LRBA: variants seen among roughly 807,000 people sequenced by gnomAD.
LRBA encodes LPS responsive beige-like anchor protein, also known as lipopolysaccharide-responsive and beige-like anchor protein.
A neutral mutation model predicts 330.0 loss-of-function variants in LRBA; 176 were observed. The observed-to-expected ratio is 0.53, with a 90% CI of 0.47 to 0.60. The LOEUF (loss-of-function observed/expected upper bound fraction) is 0.60. LRBA is among the 20% of genes least tolerant of loss of function. The pLI, the probability that LRBA is intolerant of heterozygous loss-of-function variation, is 0.00. For synonymous variants in LRBA, 1,230 were observed against 1,193.0 expected, an observed-to-expected ratio of 1.03 and a Z score of -0.64; for missense variants, 3,259 against 3,444.8, an observed-to-expected ratio of 0.95 and a Z score of 1.35.
chr4:150,336,058 A>G (rs914064365), intron 48 of LRBA, among the ~76,000 whole-genome samples: 10 of 152,224 alleles, frequency 6.6e-5, no homozygotes, highest in African/African-American at 2.4e-4. Context: ...CAAGAAATAC[A>G]TATATTTTTA....
chr4:150,686,365 A>T (rs1204376085), intron 36 of LRBA, among the ~76,000 whole-genome samples: 1 of 152,256 alleles, frequency 6.6e-6, no homozygotes, highest in African/African-American at 2.4e-5. Flanking sequence ...TTTAAAAAAG[A>T]TTGACCCAAA....
At chr4:150,972,113 G>A (rs991641098) in intron 2 of LRBA, among the ~76,000 whole-genome samples, 2 of 152,094 alleles carry the variant, frequency 1.3e-5, no homozygotes, top group Admixed American at 1.3e-4. Flanking sequence ...GGCATTTGAA[G>A]TAATATATGT....
intron 33 of LRBA, among the ~76,000 whole-genome samples, chr4:150,798,764 C>T (rs1007526714): frequency 2.0e-5 from 3 of 151,794 alleles, no homozygotes; most frequent in Non-Finnish European, 2.9e-5. Context: ...ATAATTAATA[C>T]CTATTTAAAG....
chr4:150,302,521 G>T, intron 53 of LRBA, 104 bp downstream of exon 53: 1 of 602,460 alleles, frequency 1.7e-6, no homozygotes. Flanking sequence ...AAAAATACTT[G>T]ATAATCCTGT....
At chr4:150,508,243 G>GA (rs1491020679) in intron 40 of LRBA, among the ~76,000 whole-genome samples, 1 of 38,880 alleles carries the variant, frequency 2.6e-5, no homozygotes, top group East Asian at 9.0e-4. Flanking sequence ...AAAAAAAAGG[G>GA]GGGGGGGGGG....
intron 40 of LRBA, among the ~76,000 whole-genome samples, chr4:150,557,432 G>T (rs1767469706): frequency 6.6e-6 from 1 of 151,712 alleles, no homozygotes; most frequent in Admixed American, 6.6e-5. Context: ...ATTAATACAG[G>T]GAAGAACTGT....
intron 40 of LRBA, among the ~76,000 whole-genome samples, chr4:150,546,058 A>G (rs1765826324): frequency 6.6e-6 from 1 of 152,186 alleles, no homozygotes; most frequent in African/African-American, 2.4e-5. Flanking sequence ...AAGCTTGAAC[A>G]AGCAAGTCTT....
At chr4:150,830,370 T>C (rs1746988738) in intron 29 of LRBA, among the ~76,000 whole-genome samples, 1 of 152,202 alleles carries the variant, frequency 6.6e-6, no homozygotes, top group South Asian at 2.1e-4. Flanking sequence ...AGAGACGATA[T>C]GGAGACAGAG....
At chr4:150,814,124 T>G (rs929516883) in intron 31 of LRBA, among the ~76,000 whole-genome samples, 2 of 152,066 alleles carry the variant, frequency 1.3e-5, no homozygotes, top group Non-Finnish European at 2.9e-5. Context: ...TTACTGAATG[T>G]GTATTGCTTT....
chr4:150,591,661 C>A (rs1227406554), intron 38 of LRBA, among the ~76,000 whole-genome samples: 1 of 152,078 alleles, frequency 6.6e-6, no homozygotes, highest in Non-Finnish European at 1.5e-5. Flanking sequence ...GGGCAAGGGG[C>A]CTCATGCGGC....
Position 150,761,771 on chromosome 4 carries a change from A to G in LRBA, c.5645+12T>C. ...AGAAAAATACAAAATGAATTAAAATAAAATAAATTACCTTCCTTCATTGAC... is the reference window on the plus strand; with the variant it reads ...AGAAAAATACAAAATGAATTAAAATGAAATAAATTACCTTCCTTCATTGAC... On this transcript the variant is annotated intron_variant, in intron 35 of 56. Transcript: ENST00000651943. The G allele has an allele frequency of 6.6e-7, 1 of 1,506,982 alleles. No homozygotes were observed. The highest frequency in any genetic ancestry group is 9.0e-7 in the Non-Finnish European group (1 of 1,114,746). 93.4% of individuals were successfully genotyped at this position (1,506,982 alleles called of 1,614,324 possible). A position where few individuals can be genotyped will look rare whatever the true frequency, so the allele number is the denominator to read the frequency against.
At chr4:150,964,809 G>A (rs979051883) in intron 2 of LRBA, among the ~76,000 whole-genome samples, 11 of 151,628 alleles carry the variant, frequency 7.3e-5, no homozygotes, top group Non-Finnish European at 1.0e-4. Flanking sequence ...AAACACCCAA[G>A]AATGATCAAT....
intron 40 of LRBA, chr4:150,579,851 G>T (rs761511536): frequency 2.6e-5 from 10 of 386,124 alleles, no homozygotes; most frequent in Non-Finnish European, 5.3e-5. Flanking sequence ...CGGGCCATTC[G>T]CGAACCAGAC....
chr4:150,948,833 C>T (rs1014087537), intron 2 of LRBA, among the ~76,000 whole-genome samples: 2 of 151,892 alleles, frequency 1.3e-5, no homozygotes, highest in Non-Finnish European at 2.9e-5. Context: ...AACACACACA[C>T]ACAAAAAGTC....
chr4:150,829,942 A>G (rs554806852), intron 29 of LRBA, among the ~76,000 whole-genome samples: 1 of 152,122 alleles, frequency 6.6e-6, no homozygotes, highest in Non-Finnish European at 1.5e-5. Flanking sequence ...ATTTTTGACT[A>G]CCTTTTTCAT....
At chr4:150,798,682 T>C (rs1306333116) in intron 33 of LRBA, among the ~76,000 whole-genome samples, 1 of 152,238 alleles carries the variant, frequency 6.6e-6, no homozygotes, top group Non-Finnish European at 1.5e-5. Context: ...TCTTGATTTC[T>C]TATAAATTAA....
At chr4:150,775,639 T>C (rs1231761496) in intron 34 of LRBA, among the ~76,000 whole-genome samples, 3 of 152,004 alleles carry the variant, frequency 2.0e-5, no homozygotes, top group South Asian at 2.1e-4. Context: ...CTAGGTGCTA[T>C]ATTTCCAAGC....
At chr4:150,308,146 T>C (rs141730398) in intron 52 of LRBA, among the ~76,000 whole-genome samples, 183 of 152,300 alleles carry the variant, frequency 1.2e-3, no homozygotes, top group Non-Finnish European at 1.7e-3. Flanking sequence ...TCCTACAACA[T>C]TAAATAAAGA....
chr4:150,442,940 T>C (rs1045862756), intron 44 of LRBA, among the ~76,000 whole-genome samples: 3 of 152,180 alleles, frequency 2.0e-5, no homozygotes, highest in African/African-American at 4.8e-5. Flanking sequence ...AACTATGATA[T>C]ATATGTCAAA....
Sources: gnomAD v4.1 joint callset for allele counts (sites outside exome capture counted in the v4.1 genomes callset) on GRCh38, gnomAD v4.1.1 for gene constraint, MANE v1.5 for transcripts, NCBI Gene and HGNC (gene_info 2026-07-23, HGNC 2026-07-21) for gene names.